Variants in PTGER3 observed in about 807,000 individuals in gnomAD.
PTGER3 encodes the protein prostaglandin E2 receptor EP3 subtype.
PTGER3 carries 22 observed loss-of-function variants against 34.7 expected under a neutral mutation model. The ratio of observed to expected loss-of-function variants is 0.63; its 90% CI spans 0.45 to 0.91. The LOEUF (loss-of-function observed/expected upper bound fraction) is 0.91. Among genes scored for constraint, PTGER3 ranks in the 40% least tolerant of loss-of-function variants. The pLI is 0.00. For synonymous variants in PTGER3, 241 were observed against 230.1 expected, an observed-to-expected ratio of 1.05 and a Z score of -0.43; for missense variants, 468 against 519.4, an observed-to-expected ratio of 0.90 and a Z score of 0.96.
At chr1:70,966,998 G>A (rs533220247), downstream of PTGER3, among the ~76,000 whole-genome samples, 1 of 151,946 alleles carries the variant, frequency 6.6e-6, no homozygotes, top group African/African-American at 2.4e-5. Context: ...GGTATTTCTG[G>A]TTCTAGATCC....
intron 2 of PTGER3, among the ~76,000 whole-genome samples, chr1:70,990,400 T>TAA (rs1317243079): frequency 9.3e-5 from 12 of 129,046 alleles, no homozygotes; most frequent in African/African-American, 3.7e-4. Flanking sequence ...TATATATATA[T>TAA]AAAATACATA....
chr1:71,020,302 T>A (rs923359207), intron 1 of PTGER3, among the ~76,000 whole-genome samples: 2 of 152,234 alleles, frequency 1.3e-5, no homozygotes, highest in Admixed American at 1.3e-4. Context: ...TCGTCATTAC[T>A]ACTACGTAAT....
At chr1:71,019,937 C>T (rs868429066) in intron 1 of PTGER3, among the ~76,000 whole-genome samples, 3 of 152,082 alleles carry the variant, frequency 2.0e-5, no homozygotes, top group African/African-American at 7.2e-5. Context: ...TTTTTATCTG[C>T]GATGTTTTGT....
intron 3 of PTGER3, among the ~76,000 whole-genome samples, chr1:70,972,035 A>G (rs916598260): frequency 1.4e-4 from 22 of 152,138 alleles, no homozygotes; most frequent in Non-Finnish European, 1.3e-4. Flanking sequence ...TCCTATCAAA[A>G]CATCAAAGTA....
intron 4 of PTGER3, among the ~76,000 whole-genome samples, chr1:70,931,276 C>G (rs1305395274): frequency 6.6e-6 from 1 of 152,204 alleles, no homozygotes; most frequent in Non-Finnish European, 1.5e-5. Flanking sequence ...GTACAGCCCC[C>G]CTTCTGGCTG....
intron 2 of PTGER3, among the ~76,000 whole-genome samples, chr1:70,976,105 TAGC>T (rs1456836783): frequency 2.2e-5 from 3 of 138,024 alleles, no homozygotes; most frequent in Non-Finnish European, 4.8e-5. Context: ...CAATGTCAAA[TAGC>T]AGGAGATTAA....
intron 2 of PTGER3, chr1:71,008,217 G>C: frequency 1.1e-6 from 1 of 944,118 alleles, no homozygotes; most frequent in Non-Finnish European, 1.3e-6. Flanking sequence ...TAGATATCTG[G>C]GTTGCTTATT....
At chr1:70,963,756 C>T (rs1652213751) in intron 2 of PTGER3, among the ~76,000 whole-genome samples, 2 of 152,264 alleles carry the variant, frequency 1.3e-5, no homozygotes, top group Admixed American at 6.5e-5. Flanking sequence ...GCCCTGGAGA[C>T]ATTTTTTCCA....
intron 2 of PTGER3, among the ~76,000 whole-genome samples, chr1:70,983,988 G>A (rs942508737): frequency 1.3e-5 from 2 of 152,108 alleles, no homozygotes; most frequent in Non-Finnish European, 2.9e-5. Context: ...GCCGGAAGAC[G>A]AACGGTACAC....
chr1:70,962,229 T>G (rs916139153), intron 2 of PTGER3, among the ~76,000 whole-genome samples: 1 of 152,184 alleles, frequency 6.6e-6, no homozygotes, highest in African/African-American at 2.4e-5. Flanking sequence ...TGAAGAAATG[T>G]GGGGTCAGGT....
At chr1:71,040,520 A>T (rs1479110498) in intron 1 of PTGER3, among the ~76,000 whole-genome samples, 1 of 152,088 alleles carries the variant, frequency 6.6e-6, no homozygotes, top group Admixed American at 6.5e-5. Flanking sequence ...GAGGCACGAG[A>T]ATCACTTGAA....
chr1:70,969,917 C>T (rs1652910733), downstream of PTGER3, among the ~76,000 whole-genome samples: 1 of 152,168 alleles, frequency 6.6e-6, no homozygotes, highest in African/African-American at 2.4e-5. Context: ...TACAATTACC[C>T]TACAGGTAAG....
At chr1:70,881,672 T>C (rs1646393380) in intron 4 of PTGER3, among the ~76,000 whole-genome samples, 1 of 152,202 alleles carries the variant, frequency 6.6e-6, no homozygotes, top group Admixed American at 6.5e-5. Flanking sequence ...GCTTCAATTA[T>C]AGTCTGCTCC....
chr1:70,897,653 C>T (rs888951476), intron 4 of PTGER3, among the ~76,000 whole-genome samples: 16 of 152,160 alleles, frequency 1.1e-4, no homozygotes, highest in African/African-American at 3.9e-4. Flanking sequence ...TCTTCCAGTC[C>T]TCTTTGCCTC....
chr1:70,867,751 TA>T (rs1212490473), intron 4 of PTGER3, among the ~76,000 whole-genome samples: 1 of 151,854 alleles, frequency 6.6e-6, no homozygotes, highest in Non-Finnish European at 1.5e-5. Context: ...TCTGGAAAGA[TA>T]AAAATCCTGA....
intron 4 of PTGER3, chr1:70,886,250 A>G (rs548735051): frequency 2.3e-5 from 10 of 444,018 alleles, no homozygotes; most frequent in South Asian, 1.4e-4. Context: ...GAAGACTGAC[A>G]TGTGCAAACC....
intron 2 of PTGER3, among the ~76,000 whole-genome samples, chr1:70,977,123 G>T (rs1653783097): frequency 6.6e-6 from 1 of 152,146 alleles, no homozygotes; most frequent in Non-Finnish European, 1.5e-5. Flanking sequence ...TGGAGGGAGG[G>T]TCGGTGTTGA....
intron 1 of PTGER3, among the ~76,000 whole-genome samples, chr1:71,021,705 G>A (rs1321253484): frequency 6.6e-6 from 1 of 151,578 alleles, no homozygotes; most frequent in African/African-American, 2.4e-5. Context: ...GAAAATCGGA[G>A]TGTTCGTGAC....
intron 4 of PTGER3, among the ~76,000 whole-genome samples, chr1:70,909,019 TC>T (rs1647007995): frequency 6.6e-6 from 1 of 152,158 alleles, no homozygotes; most frequent in Non-Finnish European, 1.5e-5. Flanking sequence ...ATCCACTCAC[TC>T]TCTGTATAAG....
Sources: gnomAD v4.1 joint callset for allele counts (sites outside exome capture counted in the v4.1 genomes callset) on GRCh38, gnomAD v4.1.1 for gene constraint, MANE v1.5 for transcripts, NCBI Gene and HGNC (gene_info 2026-07-23, HGNC 2026-07-21) for gene names.